The following CDH13 variants were observed in gnomAD, a reference collection of about 807,000 sequenced individuals.
CDH13 encodes the protein cadherin 13, also known as cadherin-13.
In CDH13, 24 loss-of-function variants were observed where a neutral mutation model predicts 63.8. That is an observed-to-expected ratio of 0.38 (90% CI 0.27 to 0.53). The LOEUF (loss-of-function observed/expected upper bound fraction) is 0.53, where lower values mean the gene tolerates loss of function less well. CDH13 is among the 20% of genes least tolerant of loss of function. CDH13 has a pLI of 0.85. For missense variants in CDH13, 1,049 were observed against 903.1 expected, an observed-to-expected ratio of 1.16 and a Z score of -2.07; for synonymous variants, 503 against 355.3, an observed-to-expected ratio of 1.42 and a Z score of -4.67.
At chr16:82,931,009 A>G (rs1019725178) in intron 2 of CDH13, among the ~76,000 whole-genome samples, 3 of 152,194 alleles carry the variant, frequency 2.0e-5, no homozygotes, top group Non-Finnish European at 2.9e-5. Flanking sequence ...TTCTGTTTCT[A>G]TTACTGAAGA....
At chr16:83,432,753 C>G (rs975168254) in intron 6 of CDH13, among the ~76,000 whole-genome samples, 1 of 152,148 alleles carries the variant, frequency 6.6e-6, no homozygotes. Flanking sequence ...GCAGCTGGGT[C>G]TCTGAGATGC....
chr16:82,700,719 T>A (rs1173580671), intron 1 of CDH13, among the ~76,000 whole-genome samples: 1 of 152,094 alleles, frequency 6.6e-6, no homozygotes, highest in Non-Finnish European at 1.5e-5. Flanking sequence ...GTTTTGAGTC[T>A]CACCCTCCTC....
chr16:83,295,639 T>C (rs1593145), intron 5 of CDH13, among the ~76,000 whole-genome samples: 87,705 of 148,284 alleles, frequency 0.59, 25,510 homozygotes, highest in South Asian at 0.72. Context: ...ACCTCATACC[T>C]GTTAATATGG....
At position 83,111,574 on chromosome 16, in the gene CDH13, C is replaced by G. The variant is rs149394119; in HGVS notation, c.367-13811C>G. 1.6e-3 allele frequency among the ~76,000 whole-genome samples: 241 copies of G among 152,236 alleles called. 1 individual carries two copies. Among genetic ancestry groups the G allele is most frequent in the African/African-American group, 5.5e-3 (228 of 41,548 alleles). On this transcript the variant is annotated intron_variant, in intron 3 of 13. Transcript: ENST00000567109. ...GAGAGCAGATCATGGTATGCTAGGACAATCAGAGTCTCCACTAGAGCATAT... is the reference window on the plus strand; with the variant it reads ...GAGAGCAGATCATGGTATGCTAGGAGAATCAGAGTCTCCACTAGAGCATAT...
chr16:83,014,860 ATATATATGTATATATATATG>A (rs1168149683), intron 2 of CDH13, among the ~76,000 whole-genome samples: 10 of 135,408 alleles, frequency 7.4e-5, no homozygotes, highest in Middle Eastern at 3.8e-3. Flanking sequence ...ATATTTGTAT[ATATATATGTATATATATATG>A]TTTGTGTATA....
chr16:83,574,105 A>G (rs370844158), intron 7 of CDH13, among the ~76,000 whole-genome samples: 1 of 152,298 alleles, frequency 6.6e-6, no homozygotes, highest in South Asian at 2.1e-4. Flanking sequence ...GCTGAAAAAG[A>G]GACCCTGCAG....
chr16:83,225,947 A>G (rs2039825401), intron 5 of CDH13, among the ~76,000 whole-genome samples: 1 of 152,190 alleles, frequency 6.6e-6, no homozygotes, highest in Non-Finnish European at 1.5e-5. Flanking sequence ...AATAAAAGTC[A>G]AAGATCTCAT....
chr16:83,012,996 C>A (rs1295649424), intron 2 of CDH13, among the ~76,000 whole-genome samples: 1 of 152,166 alleles, frequency 6.6e-6, no homozygotes, highest in African/African-American at 2.4e-5. Flanking sequence ...AATCATGGAA[C>A]TGATGGTGCA....
intron 6 of CDH13, among the ~76,000 whole-genome samples, chr16:83,388,942 A>G (rs571048320): frequency 2.0e-3 from 304 of 152,208 alleles, no homozygotes; most frequent in Non-Finnish European, 3.9e-3. Context: ...CTAAAGCACA[A>G]TTTTCAAACT....
rs142021751 is a variant in CDH13 at position 83,750,468 on chromosome 16, G to A, written c.1681+2218G>A. Among the ~76,000 whole-genome samples, 240 of 152,210 alleles carry A rather than the reference G, an allele frequency of 1.6e-3. 1 individual carries two copies. The highest frequency in any genetic ancestry group is 5.5e-3 in the African/African-American group (229 of 41,518). The stretch of plus-strand genomic sequence containing the variant: ...TATGACTGAACTGTGTCCTCTCAAT[G>A]TTGACGTATTGGAGTCCTAATCCCT... On this transcript the variant is annotated intron_variant, in intron 11 of 13. Transcript: ENST00000567109.
chr16:83,064,794 A>G (rs1282759686), intron 3 of CDH13, among the ~76,000 whole-genome samples: 1 of 152,216 alleles, frequency 6.6e-6, no homozygotes, highest in Non-Finnish European at 1.5e-5. Context: ...CATGTATAAA[A>G]TGGTATAATT....
intron 3 of CDH13, among the ~76,000 whole-genome samples, chr16:83,100,071 T>G (rs1400036705): frequency 6.6e-6 from 1 of 152,172 alleles, no homozygotes; most frequent in Non-Finnish European, 1.5e-5. Flanking sequence ...CATAGGCTCA[T>G]TTAGACTTTT....
intron 4 of CDH13, among the ~76,000 whole-genome samples, chr16:83,199,100 C>G (rs2038955081): frequency 6.6e-6 from 1 of 152,152 alleles, no homozygotes; most frequent in African/African-American, 2.4e-5. Context: ...GTACATTTGC[C>G]TGGCTTCAAG....
intron 10 of CDH13, among the ~76,000 whole-genome samples, chr16:83,688,292 C>T (rs1385691518): frequency 6.6e-6 from 1 of 152,176 alleles, no homozygotes; most frequent in Non-Finnish European, 1.5e-5. Flanking sequence ...AAAATCAGCT[C>T]TCTTGAAAAT....
chr16:83,449,116 G>A (rs932079626), intron 6 of CDH13, among the ~76,000 whole-genome samples: 54 of 152,150 alleles, frequency 3.5e-4, no homozygotes, highest in African/African-American at 1.2e-3. Flanking sequence ...ATTAACCTAC[G>A]TTTTAAATGT....
chr16:83,406,821 A>AT (rs1158349085), intron 6 of CDH13, among the ~76,000 whole-genome samples: 1 of 152,014 alleles, frequency 6.6e-6, no homozygotes, highest in African/African-American at 2.4e-5. Context: ...CTAAAACTGA[A>AT]TTTTTTTTGT....
At chr16:83,026,139 G>A (rs1185233686) in intron 2 of CDH13, among the ~76,000 whole-genome samples, 1 of 152,186 alleles carries the variant, frequency 6.6e-6, no homozygotes, top group Non-Finnish European at 1.5e-5. Flanking sequence ...GATGTGCCAG[G>A]TCCTGAAACT....
chr16:82,838,902 C>A (rs982773692), intron 1 of CDH13, among the ~76,000 whole-genome samples: 1 of 152,196 alleles, frequency 6.6e-6, no homozygotes, highest in African/African-American at 2.4e-5. Context: ...CACAAGTCTG[C>A]AAACTTTCTC....
intron 8 of CDH13, among the ~76,000 whole-genome samples, chr16:83,610,400 C>T (rs1339185786): frequency 1.3e-5 from 2 of 152,086 alleles, no homozygotes; most frequent in East Asian, 3.9e-4. Flanking sequence ...GAAAAAAGTA[C>T]ACAAATCCTG....
Sources: allele counts gnomAD v4.1 joint callset (sites outside exome capture counted in the v4.1 genomes callset), GRCh38; gene constraint gnomAD v4.1.1; transcripts MANE v1.5; gene names NCBI Gene and HGNC (gene_info 2026-07-23, HGNC 2026-07-21).